Variants in RAD18 observed in about 807,000 individuals in gnomAD.
RAD18 encodes the protein E3 ubiquitin-protein ligase RAD18.
A neutral mutation model predicts 60.4 loss-of-function variants in RAD18; 47 were observed. The observed-to-expected ratio is 0.78, with a 90% CI of 0.62 to 0.99. RAD18 has a LOEUF of 0.99. Among genes scored for constraint, RAD18 ranks in the 50% least tolerant of loss-of-function variants. The probability of loss-of-function intolerance (pLI) is 0.00; values close to 1 mark genes in which losing one functional copy is unlikely to be tolerated. For synonymous variants in RAD18, 225 were observed against 195.5 expected (o/e 1.15, Z -1.26); for missense variants, 640 against 593.3 (o/e 1.08, Z -0.82).
At chr3:8,899,982 T>C (rs1939873258) in intron 10 of RAD18, among the ~76,000 whole-genome samples, 1 of 152,150 alleles carries the variant, frequency 6.6e-6, no homozygotes, top group Non-Finnish European at 1.5e-5. Context: ...AAAAATACAA[T>C]TGTCAAGGTT....
chr3:8,934,750 C>T (rs1462680396), intron 7 of RAD18, among the ~76,000 whole-genome samples: 1 of 152,030 alleles, frequency 6.6e-6, no homozygotes, highest in Non-Finnish European at 1.5e-5. Flanking sequence ...CACCTATGTG[C>T]ACCACAAGAT....
intron 9 of RAD18, among the ~76,000 whole-genome samples, chr3:8,905,792 C>T (rs1035915624): frequency 1.3e-5 from 2 of 152,218 alleles, no homozygotes; most frequent in African/African-American, 4.8e-5. Flanking sequence ...AAATATCTAT[C>T]TCACACTTTC....
chr3:8,948,477 G>A, intron 3 of RAD18, 32 bp downstream of exon 3: 1 of 1,568,738 alleles, frequency 6.4e-7, no homozygotes, highest in South Asian at 1.1e-5. Context: ...GCAGCAGTCA[G>A]TAAGTTTTAA....
Position 8,935,909 on chromosome 3 carries a change from A to G in RAD18, c.851T>C (p.Met284Thr), listed in dbSNP as rs1176676775. 1 of 1,611,034 alleles carries G rather than the reference A, an allele frequency of 6.2e-7. No individual in the cohort carries two copies. Among genetic ancestry groups the G allele is most frequent in the East Asian group, 2.2e-5 (1 of 44,814 alleles). ...LIKRHQEFVH[M>T]YNAQCDALHP... ...CAAAGCATCGCATTGGGCATTGTAC[A>G]TGTGTACAAATTCTTGGTGCCTTTT... The change falls in exon 7 of 13, where the codon ATG (methionine) becomes ACG (threonine). Residue 284 changes from methionine (M) to threonine (T), a missense_variant. Physicochemically the swap from Met to Thr is moderately conservative, Grantham distance 81. Coordinates refer to ENST00000264926, the MANE Select transcript of RAD18 (RefSeq NM_020165.4).
chr3:8,878,399 G>A lies in RAD18; in HGVS notation c.*2958C>T, dbSNP rs983089376. 4 of 152,126 alleles carry A rather than the reference G, an allele frequency of 2.6e-5. No homozygotes were observed. The highest frequency in any genetic ancestry group is 4.4e-5 in the Non-Finnish European group (3 of 68,034). 9.4% of individuals were successfully genotyped at this position (152,126 alleles called of 1,614,324 possible). A position where few individuals can be genotyped will look rare whatever the true frequency, so the allele number is the denominator to read the frequency against. On this transcript the variant is annotated 3_prime_UTR_variant, in exon 13 of 13. Coordinates refer to ENST00000264926, the MANE Select transcript of RAD18 (RefSeq NM_020165.4). Reference sequence around the variant, plus strand: ...TTACTGAAATGGTAAAAAATGTAATGGTTGTGGTTTTCCCTCTTATGTTCA... The same window carrying A: ...TTACTGAAATGGTAAAAAATGTAATAGTTGTGGTTTTCCCTCTTATGTTCA...
At chr3:8,887,193 G>A (rs1484966752) in intron 12 of RAD18, among the ~76,000 whole-genome samples, 2 of 152,156 alleles carry the variant, frequency 1.3e-5, no homozygotes, top group East Asian at 3.9e-4. Context: ...GAATCTCTAG[G>A]GGTGGAGTTC....
chr3:8,885,614 A>C (rs1399170386), intron 12 of RAD18, among the ~76,000 whole-genome samples: 1 of 152,200 alleles, frequency 6.6e-6, no homozygotes, highest in Non-Finnish European at 1.5e-5. Flanking sequence ...AAGGCTGAGA[A>C]GTGTTAACTC....
intron 5 of RAD18, among the ~76,000 whole-genome samples, chr3:8,940,194 A>C (rs1446007286): frequency 6.6e-6 from 1 of 152,124 alleles, no homozygotes; most frequent in Non-Finnish European, 1.5e-5. Context: ...TCATTCTCAA[A>C]CTATTTCATA....
chr3:8,908,648 G>A lies in RAD18; in HGVS notation c.1027+3664C>T, dbSNP rs776667288. On this transcript the variant is annotated intron_variant, in intron 9 of 12. Coordinates refer to ENST00000264926, the MANE Select transcript of RAD18 (RefSeq NM_020165.4). ...AATAAATTTGTTATTTAAGCCATGC[G>A]GTCTGCATGCAGTATTTTGTTTTGG... is the stretch of plus-strand genomic sequence containing the variant. Among the ~76,000 whole-genome samples the A allele has an allele frequency of 5.3e-5, 8 of 151,988 alleles. No homozygotes were observed. The South Asian group carries it at 6.2e-4, about 12-fold the overall frequency.
At position 8,941,537 on chromosome 3, in the gene RAD18, G is replaced by A. The variant is rs375308171; in HGVS notation, c.534C>T (p.Ile178=). 3.9e-5 allele frequency: 63 copies of A among 1,613,910 alleles called. No homozygotes were observed. The highest frequency in any genetic ancestry group is 4.6e-5 in the Non-Finnish European group (54 of 1,179,972). ...KTKETRSVEE[I]APDPSEAKRP... ...GCTTAGCCTCTGAGGGATCTGGAGCGATCTCTTCTACAGAACGTGTCTCTT... is the reference window on the plus strand; with the variant it reads ...GCTTAGCCTCTGAGGGATCTGGAGCAATCTCTTCTACAGAACGTGTCTCTT... Residue 178 remains isoleucine, a synonymous_variant, in exon 5 of 13, where the codon ATC becomes ATT. Coordinates refer to ENST00000264926, the MANE Select transcript of RAD18 (RefSeq NM_020165.4).
chr3:8,939,698 AG>A lies in RAD18; in HGVS notation c.605-46del, dbSNP rs1383525180. The A allele has an allele frequency of 2.7e-6, 4 of 1,501,296 alleles. No individual in the cohort carries two copies. In the East Asian group the frequency reaches 9.1e-5, roughly 34 times the overall value. The allele number at this position is 1,501,296 out of a possible 1,614,324, so 93.0% of individuals were successfully genotyped here. A position where few individuals can be genotyped will look rare whatever the true frequency, so the allele number is the denominator to read the frequency against. ...AAAGAGAGACTTTATTAATTGTAGA[AG>A]GGGCAAAAGTATGTAAACTGGCATC... On this transcript the variant is annotated intron_variant, in intron 5 of 12. Coordinates refer to ENST00000264926, the MANE Select transcript of RAD18 (RefSeq NM_020165.4).
rs1177997222 is a variant in RAD18 at position 8,963,407 on chromosome 3, G to A, written c.-22C>T. ...CCATGGTCGCTCCCGAGGATGCTGG[G>A]GGTCAGCCACCCACTAGCCTCCGGC... On this transcript the variant is annotated 5_prime_UTR_variant, in exon 1 of 13. Transcript: ENST00000264926. The A allele has an allele frequency of 6.3e-7, 1 of 1,576,790 alleles. No homozygotes were observed. Among genetic ancestry groups the A allele is most frequent in the East Asian group, 2.4e-5 (1 of 41,588 alleles).
At chr3:8,906,038 CAG>C (rs34082060) in intron 9 of RAD18, among the ~76,000 whole-genome samples, 17,529 of 152,120 alleles carry the variant, frequency 0.12, 1,123 homozygotes, top group East Asian at 0.23. Context: ...AAGCTGTGAA[CAG>C]AGAGACTGTG....
chr3:8,959,606 C>G (rs928892103), intron 1 of RAD18, among the ~76,000 whole-genome samples: 4 of 152,160 alleles, frequency 2.6e-5, no homozygotes, highest in Non-Finnish European at 5.9e-5. Flanking sequence ...CTGGAAAGAG[C>G]TGGGGCAGTG....
chr3:8,939,445 G>C (rs1368046296), intron 6 of RAD18, 109 bp downstream of exon 6: 1 of 856,424 alleles, frequency 1.2e-6, no homozygotes. Context: ...AAGCAAGTAA[G>C]AGCAGGAAAT....
intron 1 of RAD18, among the ~76,000 whole-genome samples, chr3:8,959,799 T>G (rs558669786): frequency 8.8e-4 from 134 of 151,882 alleles, no homozygotes; most frequent in Non-Finnish European, 1.7e-3. Flanking sequence ...GGAGGATCGC[T>G]TGAGTCCAGG....
In RAD18 at chr3:8,915,265, C is replaced by T. The variant is rs183240660; in HGVS notation, c.890-1545G>A. Among the ~76,000 whole-genome samples, 943 of 152,086 alleles carry T rather than the reference C, an allele frequency of 6.2e-3. 6 individuals are homozygous for T. Among genetic ancestry groups the T allele is most frequent in the African/African-American group, 0.022 (896 of 41,484 alleles). ...GTAGAGAGCTATAAATAATGTCACT[C>T]TCACCCTAATGACGAGAAAAAGCGG... is the stretch of plus-strand genomic sequence containing the variant. On this transcript the variant is annotated intron_variant, in intron 7 of 12. Coordinates refer to ENST00000264926, the MANE Select transcript of RAD18 (RefSeq NM_020165.4).
At chr3:8,891,203 G>A (rs1939683764) in intron 11 of RAD18, among the ~76,000 whole-genome samples, 5 of 151,820 alleles carry the variant, frequency 3.3e-5, no homozygotes, top group Admixed American at 2.0e-4. Flanking sequence ...GAAAACCCAC[G>A]AGCTAGGGAA....
intron 12 of RAD18, among the ~76,000 whole-genome samples, chr3:8,887,297 G>A (rs1281207362): frequency 1.3e-5 from 2 of 152,180 alleles, no homozygotes; most frequent in African/African-American, 4.8e-5. Context: ...TGAGTGGTAA[G>A]GGAGAGTGAG....
Sources: allele counts gnomAD v4.1 joint callset (sites outside exome capture counted in the v4.1 genomes callset), GRCh38; gene constraint gnomAD v4.1.1; transcripts MANE v1.5; gene names NCBI Gene and HGNC (gene_info 2026-07-23, HGNC 2026-07-21).